CTNNA2: variants seen among roughly 807,000 people sequenced by gnomAD.
The protein encoded by CTNNA2 is catenin alpha 2.
In CTNNA2, 42 loss-of-function variants were observed where a neutral mutation model predicts 101.0. The observed-to-expected ratio is 0.42, with a 90% confidence interval of 0.32 to 0.54. CTNNA2 has a LOEUF of 0.54. Ranked by LOEUF, CTNNA2 falls within the 20% of genes least tolerant of loss-of-function variation. CTNNA2 has a pLI of 0.14. For synonymous variants in CTNNA2, 450 were observed against 456.4 expected, an observed-to-expected ratio of 0.99 and a Z score of 0.18; for missense variants, 871 against 1,223.1, an observed-to-expected ratio of 0.71 and a Z score of 4.29.
intron 4 of CTNNA2, among the ~76,000 whole-genome samples, chr2:79,494,122 T>C (rs1182874630): frequency 3.3e-5 from 5 of 152,082 alleles, no homozygotes; most frequent in African/African-American, 1.2e-4. Flanking sequence ...ACAAGACAAG[T>C]GCAATATTTG....
chr2:80,388,769 T>C (rs1368828600), intron 7 of CTNNA2, among the ~76,000 whole-genome samples: 1 of 152,244 alleles, frequency 6.6e-6, no homozygotes, highest in East Asian at 1.9e-4. Context: ...TTACATCTGC[T>C]TTCACTTCAG....
chr2:79,698,458 G>C (rs1028117761), intron 2 of CTNNA2, among the ~76,000 whole-genome samples: 1 of 152,054 alleles, frequency 6.6e-6, no homozygotes, highest in African/African-American at 2.4e-5. Flanking sequence ...TAGTGACACA[G>C]TGTGTGAGTT....
intron 7 of CTNNA2, among the ~76,000 whole-genome samples, chr2:80,266,329 A>G (rs879424285): frequency 2.0e-5 from 3 of 152,234 alleles, no homozygotes; most frequent in Admixed American, 6.5e-5. Context: ...CTCATGGCCA[A>G]TGCCATCGCC....
At chr2:79,392,936 C>G (rs1424456192) in intron 4 of CTNNA2, among the ~76,000 whole-genome samples, 1 of 152,214 alleles carries the variant, frequency 6.6e-6, no homozygotes, top group Non-Finnish European at 1.5e-5. Context: ...ATTATCAACT[C>G]TGAATATATT....
upstream of CTNNA2, among the ~76,000 whole-genome samples, chr2:79,509,803 A>G (rs1220166292): frequency 2.6e-5 from 4 of 152,182 alleles, no homozygotes; most frequent in Non-Finnish European, 1.5e-5. Context: ...CAAACATGCT[A>G]CTGTGGTCCA....
chr2:80,177,537 A>C (rs964481432), intron 7 of CTNNA2, among the ~76,000 whole-genome samples: 1 of 152,170 alleles, frequency 6.6e-6, no homozygotes, highest in South Asian at 2.1e-4. Flanking sequence ...GAGCCCATGC[A>C]TAACCTCCAT....
chr2:79,522,840 C>T (rs908874161), intron 1 of CTNNA2, among the ~76,000 whole-genome samples: 2 of 152,096 alleles, frequency 1.3e-5, no homozygotes, highest in African/African-American at 4.8e-5. Flanking sequence ...CTCAAGAATC[C>T]AATAACAGAA....
chr2:79,752,248 G>A (rs1188089518), intron 3 of CTNNA2, among the ~76,000 whole-genome samples: 1 of 151,928 alleles, frequency 6.6e-6, no homozygotes, highest in African/African-American at 2.4e-5. Context: ...AACTAAATTA[G>A]GGAAAGCAAT....
chr2:80,318,626 C>G (rs1417668710), intron 7 of CTNNA2, among the ~76,000 whole-genome samples: 1 of 152,126 alleles, frequency 6.6e-6, no homozygotes, highest in Admixed American at 6.5e-5. Context: ...CAATACAAAA[C>G]TTGTTTCAAA....
At chr2:80,182,521 C>T (rs960208763) in intron 7 of CTNNA2, among the ~76,000 whole-genome samples, 2 of 152,176 alleles carry the variant, frequency 1.3e-5, no homozygotes, top group Non-Finnish European at 2.9e-5. Context: ...CATTAATCAT[C>T]ACACATACCA....
chr2:79,200,872 T>C lies in CTNNA2; in HGVS notation c.-406+2796T>C, dbSNP rs558906361. Among the ~76,000 whole-genome samples, 137 of 152,146 alleles carry C rather than the reference T, an allele frequency of 9.0e-4. 1 individual carries two copies. Among genetic ancestry groups the C allele is most frequent in the African/African-American group, 2.8e-3 (117 of 41,498 alleles). On this transcript the variant is annotated intron_variant, in intron 2 of 21. Coordinates refer to the CTNNA2 transcript ENST00000466387. The stretch of plus-strand genomic sequence containing the variant: ...TATTTTAGCAAAGACAAATTGCCAA[T>C]ATTTCGGAAGTAATAAGTATCAAAT...
At chr2:79,887,065 AC>A (rs1387126307) in intron 6 of CTNNA2, among the ~76,000 whole-genome samples, 3 of 151,926 alleles carry the variant, frequency 2.0e-5, no homozygotes, top group African/African-American at 7.3e-5. Context: ...GATCTGCCCA[AC>A]TCAGCTTCCC....
chr2:79,448,882 T>A (rs1678860077), intron 4 of CTNNA2, among the ~76,000 whole-genome samples: 1 of 152,052 alleles, frequency 6.6e-6, no homozygotes, highest in Non-Finnish European at 1.5e-5. Flanking sequence ...TGAAAATTGT[T>A]GAAATGGATC....
chr2:79,895,896 T>G (rs1050494168), intron 6 of CTNNA2, among the ~76,000 whole-genome samples: 5 of 152,148 alleles, frequency 3.3e-5, no homozygotes, highest in African/African-American at 9.7e-5. Flanking sequence ...AGACCATTGT[T>G]TGTTGACCCT....
chr2:79,863,594 A>C (rs1470579048), intron 4 of CTNNA2, among the ~76,000 whole-genome samples: 3 of 152,198 alleles, frequency 2.0e-5, no homozygotes, highest in Middle Eastern at 3.2e-3. Flanking sequence ...GGGAACATTT[A>C]AATAATTCTT....
At chr2:80,004,641 G>C (rs982994614) in intron 7 of CTNNA2, among the ~76,000 whole-genome samples, 1 of 151,834 alleles carries the variant, frequency 6.6e-6, no homozygotes, top group Non-Finnish European at 1.5e-5. Context: ...CTACTAAGGA[G>C]CAGAGGCAGC....
chr2:79,824,460 T>A (rs140687605), intron 3 of CTNNA2, among the ~76,000 whole-genome samples: 1 of 150,768 alleles, frequency 6.6e-6, no homozygotes, highest in Non-Finnish European at 1.5e-5. Flanking sequence ...TTGAGAACAG[T>A]TAGAACCACG....
chr2:79,851,526 T>G (rs1402783678), intron 3 of CTNNA2, among the ~76,000 whole-genome samples: 4 of 152,164 alleles, frequency 2.6e-5, no homozygotes, highest in Non-Finnish European at 4.4e-5. Flanking sequence ...TGCTTTCCTC[T>G]CTAAAAACAT....
intron 2 of CTNNA2, among the ~76,000 whole-genome samples, chr2:79,727,360 A>G (rs139827717): frequency 9.1e-4 from 139 of 152,276 alleles, no homozygotes; most frequent in African/African-American, 3.2e-3. Flanking sequence ...AGTGGTCCTC[A>G]GATCAGCAGG....
Sources: gnomAD v4.1 joint callset for allele counts (sites outside exome capture counted in the v4.1 genomes callset) on GRCh38, gnomAD v4.1.1 for gene constraint, MANE v1.5 for transcripts, NCBI Gene and HGNC (gene_info 2026-07-23, HGNC 2026-07-21) for gene names.